GPC5: variants seen among roughly 807,000 people sequenced by gnomAD.
GPC5 encodes glypican-5.
GPC5 carries 47 observed loss-of-function variants against 53.9 expected under a neutral mutation model. The observed-to-expected ratio is 0.87, with a 90% CI of 0.69 to 1.11. The LOEUF (loss-of-function observed/expected upper bound fraction) is 1.11. Ranked by LOEUF, GPC5 falls within the 50% of genes most tolerant of loss-of-function variation. The pLI is 0.00. For missense variants in GPC5, 748 were observed against 713.1 expected, an observed-to-expected ratio of 1.05 and a Z score of -0.56; for synonymous variants, 286 against 263.3, an observed-to-expected ratio of 1.09 and a Z score of -0.84.
intron 6 of GPC5, among the ~76,000 whole-genome samples, chr13:92,130,950 CAG>C (rs779827821): frequency 2.0e-5 from 3 of 151,348 alleles, no homozygotes; most frequent in Non-Finnish European, 4.4e-5. Flanking sequence ...AGTAAAAAAA[CAG>C]AAACAGAAGA....
At chr13:91,444,915 A>C (rs1880680567) in intron 1 of GPC5, among the ~76,000 whole-genome samples, 1 of 152,178 alleles carries the variant, frequency 6.6e-6, no homozygotes, top group Non-Finnish European at 1.5e-5. Flanking sequence ...AGATCCCCGA[A>C]GCATCAGATA....
At chr13:91,549,829 T>A (rs1027082154) in intron 2 of GPC5, among the ~76,000 whole-genome samples, 1 of 152,192 alleles carries the variant, frequency 6.6e-6, no homozygotes, top group Non-Finnish European at 1.5e-5. Context: ...ATAGTGCAGC[T>A]ACTCTGGAAG....
intron 5 of GPC5, among the ~76,000 whole-genome samples, chr13:91,884,128 A>G (rs1183179861): frequency 5.9e-5 from 9 of 152,198 alleles, no homozygotes; most frequent in Non-Finnish European, 1.3e-4. Context: ...GAGAAAAAGG[A>G]ACACTTCTAC....
In GPC5 at chr13:91,598,305, G is replaced by T. The variant is rs532745108; in HGVS notation, c.326-94882G>T. Among the ~76,000 whole-genome samples, 12 of 146,702 alleles carry T rather than the reference G, an allele frequency of 8.2e-5. No individual in the cohort carries two copies. In the South Asian group the frequency reaches 2.6e-3, roughly 32 times the overall value. ...GCACTTTTTATATTGTGTGGCATGA[G>T]ATTTATCTTCTAGTAAAATTGAAAA... On this transcript the variant is annotated intron_variant, in intron 2 of 7. Transcript: ENST00000377067.
chr13:92,735,576 T>C (rs1888913564), intron 7 of GPC5, among the ~76,000 whole-genome samples: 1 of 151,970 alleles, frequency 6.6e-6, no homozygotes, highest in African/African-American at 2.4e-5. Context: ...TACAAAGAGC[T>C]ATGCAAAGGG....
chr13:91,517,005 G>A (rs145494148), intron 2 of GPC5, among the ~76,000 whole-genome samples: 2 of 152,196 alleles, frequency 1.3e-5, no homozygotes, highest in African/African-American at 4.8e-5. Context: ...GGGGACCCTG[G>A]ATCTGGCCCA....
intron 7 of GPC5, among the ~76,000 whole-genome samples, chr13:92,638,174 G>T (rs990729567): frequency 3.9e-5 from 6 of 152,128 alleles, no homozygotes; most frequent in Admixed American, 3.9e-4. Context: ...ATGTATGAAA[G>T]AATAATTACT....
intron 7 of GPC5, among the ~76,000 whole-genome samples, chr13:92,237,887 C>T (rs1430170601): frequency 6.6e-6 from 1 of 152,042 alleles, no homozygotes; most frequent in Non-Finnish European, 1.5e-5. Flanking sequence ...TCTGCCTATT[C>T]TGGATATTTC....
At chr13:92,486,361 CATTATA>C (rs763457402) in intron 7 of GPC5, among the ~76,000 whole-genome samples, 1 of 152,230 alleles carries the variant, frequency 6.6e-6, no homozygotes, top group Admixed American at 6.5e-5. Context: ...GCATCATTGT[CATTATA>C]ATTATATGTG....
At chr13:92,321,410 C>T (rs9523628) in intron 7 of GPC5, among the ~76,000 whole-genome samples, 6,929 of 152,184 alleles carry the variant, frequency 0.046, 257 homozygotes, top group Non-Finnish European at 0.059. Flanking sequence ...TGGCCAACAT[C>T]GTGAAACCCT....
intron 3 of GPC5, among the ~76,000 whole-genome samples, chr13:91,712,622 A>T (rs928384639): frequency 6.6e-6 from 1 of 152,110 alleles, no homozygotes; most frequent in African/African-American, 2.4e-5. Context: ...GAAAATCCGT[A>T]ACCCACAACA....
chr13:92,156,045 A>T (rs2041942797), intron 7 of GPC5, among the ~76,000 whole-genome samples: 1 of 152,180 alleles, frequency 6.6e-6, no homozygotes, highest in Non-Finnish European at 1.5e-5. Context: ...TTGTTTCAAT[A>T]GCTTTTCTAA....
chr13:92,629,432 G>T (rs976494704), intron 7 of GPC5, among the ~76,000 whole-genome samples: 13 of 152,082 alleles, frequency 8.5e-5, no homozygotes, highest in African/African-American at 2.9e-4. Context: ...TATTTCATTT[G>T]TTCCTAGCTG....
chr13:92,771,303 G>A (rs1875606476), intron 7 of GPC5, among the ~76,000 whole-genome samples: 1 of 152,066 alleles, frequency 6.6e-6, no homozygotes, highest in Non-Finnish European at 1.5e-5. Context: ...ATAGGATCTA[G>A]ACTTCTGGCC....
intron 1 of GPC5, among the ~76,000 whole-genome samples, chr13:91,433,475 T>C (rs988622272): frequency 1.3e-4 from 19 of 151,978 alleles, no homozygotes; most frequent in Middle Eastern, 3.4e-3. Flanking sequence ...CTCGTGATAG[T>C]TTGCTGAGAA....
chr13:92,166,950 TCTCTCTCA>T (rs769515280), intron 7 of GPC5, among the ~76,000 whole-genome samples: 2,170 of 57,258 alleles, frequency 0.038, 9 homozygotes, highest in Non-Finnish European at 0.057. Context: ...TCTCTCTCTC[TCTCTCTCA>T]CACACACACA....
At chr13:91,890,468 G>A (rs866016874) in intron 5 of GPC5, among the ~76,000 whole-genome samples, 3 of 152,136 alleles carry the variant, frequency 2.0e-5, no homozygotes, top group South Asian at 2.1e-4. Flanking sequence ...TTGTTGGTCT[G>A]ATCTCACATT....
chr13:92,375,322 G>A (rs933824551), intron 7 of GPC5, among the ~76,000 whole-genome samples: 1 of 151,988 alleles, frequency 6.6e-6, no homozygotes, highest in Non-Finnish European at 1.5e-5. Context: ...TTTTTAAGGC[G>A]ACTTCCTTGG....
In GPC5 at chr13:92,230,803, C is replaced by T. The variant is rs532851463; in HGVS notation, c.1561+85814C>T. On this transcript the variant is annotated intron_variant, in intron 7 of 7. Coordinates refer to ENST00000377067, the MANE Select transcript of GPC5 (RefSeq NM_004466.6). The stretch of plus-strand genomic sequence containing the variant: ...GGCCTACCTGGTGCACTGATTGGCA[C>T]ATAGCAGATTCTCAAAATTACATTG... Among the ~76,000 whole-genome samples the T allele has an allele frequency of 2.0e-5, 3 of 152,196 alleles. No individual in the cohort carries two copies. The South Asian group carries it at 6.2e-4, about 32-fold the overall frequency.
Sources: gnomAD v4.1 joint callset for allele counts (sites outside exome capture counted in the v4.1 genomes callset) on GRCh38, gnomAD v4.1.1 for gene constraint, MANE v1.5 for transcripts, NCBI Gene and HGNC (gene_info 2026-07-23, HGNC 2026-07-21) for gene names.